LRFN5: variants seen among roughly 807,000 people sequenced by gnomAD.
The protein encoded by LRFN5 is leucine-rich repeat and fibronectin type-III domain-containing protein 5.
LRFN5 carries 24 observed loss-of-function variants against 45.6 expected under a neutral mutation model. The observed-to-expected ratio is 0.53, with a 90% confidence interval of 0.38 to 0.74. The LOEUF is 0.74. Ranked by LOEUF, LRFN5 falls within the 30% of genes least tolerant of loss-of-function variation. LRFN5 has a pLI of 0.00. For missense variants in LRFN5, 776 were observed against 861.5 expected (o/e 0.90, Z 1.24); for synonymous variants, 340 against 313.8 (o/e 1.08, Z -0.88).
intron 1 of LRFN5, among the ~76,000 whole-genome samples, chr14:41,713,393 A>G (rs1404116270): frequency 1.8e-4 from 28 of 152,106 alleles, no homozygotes; most frequent in Admixed American, 1.8e-3. Flanking sequence ...AGATTTTTAA[A>G]CATATATTTG....
At position 41,645,105 on chromosome 14, in the gene LRFN5, G is replaced by A. The variant is rs554543773; in HGVS notation, c.-197+36543G>A. 1.5e-4 allele frequency among the ~76,000 whole-genome samples: 23 copies of A among 152,262 alleles called. No individual in the cohort carries two copies. The South Asian group carries it at 4.6e-3, about 30-fold the overall frequency. ...CTTTTATGCTTCAATTCCTTCAACT[G>A]TAAAATGAAGTTATTAATAATACTT... is the stretch of plus-strand genomic sequence containing the variant. On this transcript the variant is annotated intron_variant, in intron 1 of 5. Transcript: ENST00000298119.
At chr14:41,647,751 C>G (rs1221700700) in intron 1 of LRFN5, among the ~76,000 whole-genome samples, 5 of 152,028 alleles carry the variant, frequency 3.3e-5, no homozygotes, top group Non-Finnish European at 7.3e-5. Context: ...GATGCCAACT[C>G]TGGACCAAGA....
chr14:41,856,060 T>C (rs536273599), intron 2 of LRFN5, among the ~76,000 whole-genome samples: 1 of 152,266 alleles, frequency 6.6e-6, no homozygotes, highest in South Asian at 2.1e-4. Context: ...TGTAAAGGAG[T>C]TAAGTTTAAC....
intron 1 of LRFN5, among the ~76,000 whole-genome samples, chr14:41,664,746 C>T (rs1880818770): frequency 1.3e-5 from 2 of 151,916 alleles, no homozygotes; most frequent in Admixed American, 6.6e-5. Flanking sequence ...ATGCAATATA[C>T]ATTCAATCAC....
At chr14:41,866,891 C>T (rs866019356) in intron 2 of LRFN5, among the ~76,000 whole-genome samples, 2 of 152,062 alleles carry the variant, frequency 1.3e-5, no homozygotes, top group African/African-American at 4.8e-5. Flanking sequence ...TTAGTGAATC[C>T]AGAATATGAC....
At chr14:41,893,520 TA>T (rs1890849978) in intron 4 of LRFN5, 1 of 984,666 alleles carries the variant, frequency 1.0e-6, no homozygotes, top group East Asian at 1.1e-4. Flanking sequence ...TCTTTGGGAG[TA>T]AGTTAAACAC....
intron 1 of LRFN5, among the ~76,000 whole-genome samples, chr14:41,739,258 G>T (rs1884582222): frequency 6.6e-6 from 1 of 152,222 alleles, no homozygotes; most frequent in Middle Eastern, 3.4e-3. Context: ...GGTGGCATGT[G>T]CCTGTAGTCT....
intron 2 of LRFN5, among the ~76,000 whole-genome samples, chr14:41,767,807 G>C (rs574372502): frequency 8.5e-5 from 13 of 152,262 alleles, no homozygotes; most frequent in African/African-American, 2.9e-4. Context: ...TATGGTCATA[G>C]GATTTGAAAA....
At chr14:41,849,794 C>T (rs965382709) in intron 2 of LRFN5, among the ~76,000 whole-genome samples, 4 of 151,870 alleles carry the variant, frequency 2.6e-5, no homozygotes. Flanking sequence ...TGTCAATCCT[C>T]CCCTCTGAAA....
chr14:41,639,940 G>A (rs1468312059), intron 1 of LRFN5, among the ~76,000 whole-genome samples: 2 of 138,600 alleles, frequency 1.4e-5, no homozygotes, highest in Non-Finnish European at 3.1e-5. Context: ...ATGCCAACAT[G>A]ACTGGCTAAT....
chr14:41,662,227 C>T (rs749392925), intron 1 of LRFN5, among the ~76,000 whole-genome samples: 5 of 152,040 alleles, frequency 3.3e-5, no homozygotes, highest in African/African-American at 7.2e-5. Context: ...AGAGCTGAGA[C>T]GTCTCCTTCA....
chr14:41,824,561 G>C (rs1348150370), intron 2 of LRFN5, among the ~76,000 whole-genome samples: 1 of 152,164 alleles, frequency 6.6e-6, no homozygotes, highest in African/African-American at 2.4e-5. Flanking sequence ...ACCCAGTGCT[G>C]TGCACTTTTG....
chr14:41,832,935 C>T (rs1566472121), intron 2 of LRFN5, among the ~76,000 whole-genome samples: 1 of 152,144 alleles, frequency 6.6e-6, no homozygotes, highest in Admixed American at 6.6e-5. Context: ...GTCAAATCTG[C>T]ATCCATAATA....
At chr14:41,608,618 T>C (rs1330678621) in intron 1 of LRFN5, 56 bp downstream of exon 1, 1 of 152,660 alleles carries the variant, frequency 6.6e-6, no homozygotes, top group Non-Finnish European at 1.5e-5. Context: ...TTGTTTCTAG[T>C]GTCTTATCTG....
chr14:41,607,290 G>T lies in LRFN5; in HGVS notation c.-1469G>T, dbSNP rs1213293832. ...CCCACCCATATAATCCATTTTGCAC[G>T]GTCCGTTATATCAGAAAAAAAAAGC... is the stretch of plus-strand genomic sequence containing the variant. On this transcript the variant is annotated 5_prime_UTR_variant, in exon 1 of 6. Transcript: ENST00000298119. 7.0e-6 allele frequency among the ~76,000 whole-genome samples: 1 copy of T among 142,522 alleles called. No individual in the cohort carries two copies. Among genetic ancestry groups the T allele is most frequent in the Middle Eastern group, 3.5e-3 (1 of 288 alleles). 93.5% of individuals were successfully genotyped at this position (142,522 alleles called of 152,430 possible).
chr14:41,694,540 G>A (rs923799457), intron 1 of LRFN5, among the ~76,000 whole-genome samples: 9 of 151,926 alleles, frequency 5.9e-5, no homozygotes, highest in African/African-American at 2.2e-4. Flanking sequence ...TTAAGACTGA[G>A]TGATATTCTT....
intron 1 of LRFN5, among the ~76,000 whole-genome samples, chr14:41,666,802 A>G (rs1880920822): frequency 6.6e-6 from 1 of 152,112 alleles, no homozygotes; most frequent in Non-Finnish European, 1.5e-5. Flanking sequence ...CAGAAAAGAG[A>G]GATGAGAAGT....
intron 1 of LRFN5, among the ~76,000 whole-genome samples, chr14:41,735,049 TATTTG>T (rs1191877587): frequency 1.3e-5 from 2 of 152,144 alleles, no homozygotes; most frequent in African/African-American, 4.8e-5. Flanking sequence ...TCATCGTAAA[TATTTG>T]ATTTATTTTC....
chr14:41,893,719 A>G, intron 4 of LRFN5: 17 of 985,358 alleles, frequency 1.7e-5, no homozygotes, highest in Non-Finnish European at 2.0e-5. Context: ...TGTAAGATTA[A>G]AGTAGTTAGA....
Sources: gnomAD v4.1 joint callset for allele counts (sites outside exome capture counted in the v4.1 genomes callset) on GRCh38, gnomAD v4.1.1 for gene constraint, MANE v1.5 for transcripts, NCBI Gene and HGNC (gene_info 2026-07-23, HGNC 2026-07-21) for gene names.